The following ACSS3 variants were observed in gnomAD, a reference collection of about 807,000 sequenced individuals.
The protein encoded by ACSS3 is acyl-CoA synthetase short-chain family member 3, mitochondrial.
Under a neutral mutation model 84.2 loss-of-function variants are expected in ACSS3, and 64 were observed. The ratio of observed to expected loss-of-function variants is 0.76; its 90% confidence interval spans 0.62 to 0.94. The LOEUF is 0.94. ACSS3 is among the 40% of genes least tolerant of loss of function. The pLI, the probability that ACSS3 is intolerant of heterozygous loss-of-function variation, is 0.00. For missense variants in ACSS3, 815 were observed against 867.6 expected (o/e 0.94, Z 0.76); for synonymous variants, 317 against 310.1 (o/e 1.02, Z -0.23).
chr12:81,163,639 G>A (rs1337539287), intron 7 of ACSS3, among the ~76,000 whole-genome samples: 2 of 152,186 alleles, frequency 1.3e-5, no homozygotes, highest in Non-Finnish European at 2.9e-5. Context: ...ACAGCTCTAT[G>A]CTTGCCCTAG....
Position 81,257,961 on chromosome 12 carries a change from T to C in ACSS3, c.*3039T>C, listed in dbSNP as rs563857211. Reference sequence around the variant, plus strand: ...TTGATTTTAGTGATTGAGTGTTATATAATAGTAGATACAAATCTAGTTATG... The same window carrying C: ...TTGATTTTAGTGATTGAGTGTTATACAATAGTAGATACAAATCTAGTTATG... On this transcript the variant is annotated 3_prime_UTR_variant, in exon 16 of 16. Transcript: ENST00000548058. 6 of 152,304 alleles carry C rather than the reference T, an allele frequency of 3.9e-5. No individual in the cohort carries two copies. The highest frequency in any genetic ancestry group is 7.4e-5 in the Non-Finnish European group (5 of 68,010). The allele number at this position is 152,304 out of a possible 1,614,324, so 9.4% of individuals were successfully genotyped here. A position where few individuals can be genotyped will look rare whatever the true frequency, so the allele number is the denominator to read the frequency against.
rs1880756938 is a variant in ACSS3, at chr12:81,078,398, C to T, written c.278C>T (p.Thr93Met). 1.2e-6 allele frequency: 2 copies of T among 1,612,702 alleles called. No homozygotes were observed. Among genetic ancestry groups the T allele is most frequent in the Middle Eastern group, 1.6e-4 (1 of 6,062 alleles). ...AGCTGGTACAAGCCCTGGACCAAAA[C>T]GCTGGAGAACAAACACTCGCCCTCT... ...QISWYKPWTKTLENKHSPSTR... is the reference protein window; with the variant it reads ...QISWYKPWTKMLENKHSPSTR... Residue 93 changes from threonine to methionine, a missense_variant, in exon 1 of 16, where the codon ACG (threonine) becomes ATG (methionine). Physicochemically the swap from Thr to Met is moderately conservative, Grantham distance 81. Transcript: ENST00000548058.
intron 1 of ACSS3, among the ~76,000 whole-genome samples, chr12:81,088,948 A>G (rs1198501370): frequency 1.3e-5 from 2 of 151,920 alleles, no homozygotes; most frequent in Non-Finnish European, 2.9e-5. Context: ...ATTGTGTATG[A>G]CAGTCCTAAA....
intron 1 of ACSS3, among the ~76,000 whole-genome samples, chr12:81,097,969 G>GAA (rs113773106): frequency 1.2e-3 from 180 of 148,592 alleles, no homozygotes; most frequent in African/African-American, 4.2e-3. Flanking sequence ...TATTGAAGTG[G>GAA]AAAAAAAAAA....
chr12:81,249,526 G>C (rs572330702), intron 13 of ACSS3, among the ~76,000 whole-genome samples: 1 of 152,160 alleles, frequency 6.6e-6, no homozygotes, highest in East Asian at 1.9e-4. Flanking sequence ...TTCCAAGGTA[G>C]CTATTTTGTT....
chr12:81,240,839 CT>C lies in ACSS3; in HGVS notation c.1719+7377del, dbSNP rs964235308. 2.6e-4 allele frequency among the ~76,000 whole-genome samples: 39 copies of C among 151,060 alleles called. 1 individual carries two copies. Among genetic ancestry groups the C allele is most frequent in the African/African-American group, 8.0e-4 (33 of 41,276 alleles). On this transcript the variant is annotated intron_variant, in intron 13 of 15. Transcript: ENST00000548058. Reference sequence around the variant, plus strand: ...AATACCTTATGATAGCAAAATATTTCTTTTTTTTTATTATACTTTAAGTTTT... The same window carrying C: ...AATACCTTATGATAGCAAAATATTTCTTTTTTTTATTATACTTTAAGTTTT...
At chr12:81,239,001 A>C (rs959967121) in intron 13 of ACSS3, among the ~76,000 whole-genome samples, 24 of 151,782 alleles carry the variant, frequency 1.6e-4, no homozygotes, top group African/African-American at 5.8e-4. Flanking sequence ...CAGTGCTATA[A>C]ATTTTCCTGT....
chr12:81,113,048 C>A (rs545961315), intron 2 of ACSS3, among the ~76,000 whole-genome samples: 37 of 152,078 alleles, frequency 2.4e-4, no homozygotes, highest in Non-Finnish European at 4.7e-4. Flanking sequence ...ATCCATCATT[C>A]ACTCAATAAA....
At chr12:81,236,571 T>C (rs989415845) in intron 13 of ACSS3, among the ~76,000 whole-genome samples, 1 of 151,464 alleles carries the variant, frequency 6.6e-6, no homozygotes, top group East Asian at 1.9e-4. Context: ...TATTTGTTTT[T>C]ATGTTTATCC....
At chr12:81,086,030 A>G (rs1264563593) in intron 1 of ACSS3, among the ~76,000 whole-genome samples, 2 of 152,224 alleles carry the variant, frequency 1.3e-5, no homozygotes. Context: ...TTATGTATCC[A>G]GAAAGCAATT....
At chr12:81,207,917 G>A (rs2032417931) in intron 9 of ACSS3, among the ~76,000 whole-genome samples, 2 of 152,076 alleles carry the variant, frequency 1.3e-5, no homozygotes, top group South Asian at 4.1e-4. Flanking sequence ...AGTAGGATAA[G>A]ACCAGTGTCT....
At chr12:81,190,815 T>C (rs973848786) in intron 8 of ACSS3, among the ~76,000 whole-genome samples, 13 of 152,216 alleles carry the variant, frequency 8.5e-5, no homozygotes, top group Non-Finnish European at 1.9e-4. Flanking sequence ...ATTTTATCTA[T>C]GTTTTTTCTT....
rs200459824 is a variant in ACSS3 at position 81,213,936 on chromosome 12, T to C, written c.1355-2965T>C. Among the ~76,000 whole-genome samples the C allele has an allele frequency of 8.6e-3, 780 of 90,188 alleles. 31 individuals carry two copies. The highest frequency in any genetic ancestry group is 0.016 in the Middle Eastern group (3 of 182). The allele number at this position is 90,188 out of a possible 152,430, so 59.2% of individuals were successfully genotyped here. A position where few individuals can be genotyped will look rare whatever the true frequency, so the allele number is the denominator to read the frequency against. Reference sequence around the variant, plus strand: ...TCCTTCCTTCCTTCCTTCCTTCCTTTCTCTCTCTCTCTCCCTCTCTCTCTT... The same window carrying C: ...TCCTTCCTTCCTTCCTTCCTTCCTTCCTCTCTCTCTCTCCCTCTCTCTCTT... On this transcript the variant is annotated intron_variant, in intron 9 of 15. Transcript: ENST00000548058.
chr12:81,081,078 C>G (rs7959612), intron 1 of ACSS3, among the ~76,000 whole-genome samples: 62,254 of 152,148 alleles, frequency 0.41, 14,925 homozygotes, highest in Non-Finnish European at 0.56. Context: ...GAGGCAAGAG[C>G]GATTCTTCAT....
chr12:81,110,261 A>G (rs1883468489), intron 2 of ACSS3, among the ~76,000 whole-genome samples: 2 of 152,172 alleles, frequency 1.3e-5, no homozygotes, highest in South Asian at 4.1e-4. Flanking sequence ...ATTCTTGACT[A>G]TGCACACAAC....
chr12:81,131,144 T>C (rs946955043), intron 2 of ACSS3, among the ~76,000 whole-genome samples: 5 of 152,150 alleles, frequency 3.3e-5, no homozygotes, highest in African/African-American at 1.2e-4. Context: ...ATTAAAGTAG[T>C]TTTTTCTGAT....
chr12:81,116,105 G>A (rs1884022419), intron 2 of ACSS3, among the ~76,000 whole-genome samples: 1 of 151,824 alleles, frequency 6.6e-6, no homozygotes, highest in South Asian at 2.1e-4. Flanking sequence ...TAATGCTTGT[G>A]TACATATAAT....
intron 7 of ACSS3, among the ~76,000 whole-genome samples, chr12:81,169,746 G>T (rs775741746): frequency 1.3e-5 from 2 of 151,902 alleles, no homozygotes; most frequent in African/African-American, 4.8e-5. Context: ...AAATGTTGCT[G>T]TCCCAAGCAC....
Position 81,152,066 on chromosome 12 carries a change from T to G in ACSS3, c.1068T>G (p.Leu356=). 6.2e-7 allele frequency: 1 copy of G among 1,613,204 alleles called. No individual in the cohort carries two copies. Among genetic ancestry groups the G allele is most frequent in the East Asian group, 2.2e-5 (1 of 44,854 alleles). Residue 356 remains leucine (L), a synonymous_variant, in exon 7 of 16, where the codon CTT becomes CTG. Coordinates refer to ENST00000548058, the MANE Select transcript of ACSS3 (RefSeq NM_024560.4). ...ATTCCTATATCTGCTATGGACCTCTTCTTCATGGGAACACAACAGTTTTAT... is the reference window on the plus strand; with the variant it reads ...ATTCCTATATCTGCTATGGACCTCTGCTTCATGGGAACACAACAGTTTTAT... The part of the protein sequence containing the change: ...VGHSYICYGP[L]LHGNTTVLYE...
Sources: allele counts gnomAD v4.1 joint callset (sites outside exome capture counted in the v4.1 genomes callset), GRCh38; gene constraint gnomAD v4.1.1; transcripts MANE v1.5; gene names NCBI Gene and HGNC (gene_info 2026-07-23, HGNC 2026-07-21).